The following ACSL5 variants were observed in gnomAD, a reference collection of about 807,000 sequenced individuals.
ACSL5 encodes long-chain-fatty-acid--CoA ligase 5.
Under a neutral mutation model 84.9 loss-of-function variants are expected in ACSL5, and 50 were observed. The ratio of observed to expected loss-of-function variants is 0.59; its 90% confidence interval spans 0.47 to 0.75. The LOEUF is 0.75. Ranked by LOEUF, ACSL5 falls within the 30% of genes least tolerant of loss-of-function variation. The pLI is 0.00. For missense variants in ACSL5, 775 were observed against 830.4 expected (o/e 0.93, Z 0.82); for synonymous variants, 280 against 300.7 (o/e 0.93, Z 0.71).
chr10:112,427,262 TG>T lies in ACSL5; in HGVS notation c.1959del (p.Leu654SerfsTer2). ...ATCCAGAGCCATTTTCCATTGAAAA[TG>T]GGCTCTTGACACCAACATTGAAAGC... is the stretch of plus-strand genomic sequence containing the variant. ...LHPEPFSIEN[G>X]LLTPTLKAKR... On this transcript the variant is annotated frameshift_variant, in exon 21 of 21. Transcript: ENST00000354655. LOFTEE classifies it high-confidence loss of function. 1 of 1,613,610 alleles carries T rather than the reference TG, an allele frequency of 6.2e-7. No homozygotes were observed.
In ACSL5 at chr10:112,408,456, C is replaced by G. The variant is rs1462435146; in HGVS notation, c.467C>G (p.Ser156Cys). The change falls in exon 6 of 21, where the codon TCT becomes TGT. Residue 156 changes from serine (S) to cysteine (C), a missense_variant. Physicochemically the swap from Ser to Cys is moderately radical, Grantham distance 112 (BLOSUM62 -1). Coordinates refer to ENST00000354655, the MANE Select transcript of ACSL5 (RefSeq NM_203379.2). Reference protein sequence around the residue: ...IISELACYTYSMVAVPLYDTL... With the variant: ...IISELACYTYCMVAVPLYDTL... ...TCCGAATTGGCTTGTTACACGTACTCTATGGTAGCTGTACCTCTGTATGAC... is the reference window on the plus strand; with the variant it reads ...TCCGAATTGGCTTGTTACACGTACTGTATGGTAGCTGTACCTCTGTATGAC... 3 of 1,613,760 alleles carry G rather than the reference C, an allele frequency of 1.9e-6. No individual in the cohort carries two copies. Among genetic ancestry groups the G allele is most frequent in the Admixed American group, 1.7e-5 (1 of 60,018 alleles).
Position 112,421,973 on chromosome 10 carries a change from A to G in ACSL5, c.1414A>G (p.Asn472Asp). Residue 472 changes from asparagine to aspartate, a missense_variant, in exon 16 of 21, where the codon AAT becomes GAT. Coordinates refer to ENST00000354655, the MANE Select transcript of ACSL5 (RefSeq NM_203379.2). ...SGHVGVPLAC[N>D]YVKLEDVADM... ...TCACGTTGGGGTGCCCCTGGCTTGC[A>G]ATTACGTGAAGCTGGAAGATGTGGC... The G allele has an allele frequency of 6.2e-7, 1 of 1,614,200 alleles. No individual in the cohort carries two copies.
intron 3 of ACSL5, among the ~76,000 whole-genome samples, chr10:112,401,784 T>TTCTC (rs552983651): frequency 0.016 from 1,995 of 127,464 alleles, 38 homozygotes; most frequent in African/African-American, 0.031. Context: ...TTTTCTTTCT[T>TTCTC]TCTCTTTCTT....
intron 1 of ACSL5, among the ~76,000 whole-genome samples, chr10:112,384,196 A>C (rs186730813): frequency 2.6e-5 from 4 of 151,834 alleles, no homozygotes; most frequent in East Asian, 3.9e-4. Flanking sequence ...AGAAAAAAAA[A>C]CAAAAAACAA....
At position 112,404,752 on chromosome 10, in the gene ACSL5, T is replaced by G. The variant is rs748923088; in HGVS notation, c.378T>G (p.Gly126=). 1 of 1,614,010 alleles carries G rather than the reference T, an allele frequency of 6.2e-7. No individual in the cohort carries two copies. The highest frequency in any genetic ancestry group is 8.5e-7 in the Non-Finnish European group (1 of 1,179,966). Residue 126 remains glycine (G), a synonymous_variant, in exon 5 of 21, where the codon GGT becomes GGG. Transcript: ENST00000354655. The stretch of plus-strand genomic sequence containing the variant: ...TGGGTTCCTGTCTCTTGCATAAAGG[T>G]TATAAATCATCACCAGACCAGTTTG... ...EYLGSCLLHK[G]YKSSPDQFVG... is the part of the protein sequence containing the mutation.
intron 1 of ACSL5, 116 bp from the exon 2 acceptor site, chr10:112,394,802 G>T: frequency 6.6e-7 from 1 of 1,508,778 alleles, no homozygotes; most frequent in African/African-American, 1.4e-5. Flanking sequence ...GTTTGAAGGC[G>T]TGCGCGCGTG....
At position 112,409,572 on chromosome 10, in the gene ACSL5, A is replaced by G; in HGVS notation, c.598A>G (p.Lys200Glu). 1 of 1,614,112 alleles carries G rather than the reference A, an allele frequency of 6.2e-7. No homozygotes were observed. The highest frequency in any genetic ancestry group is 1.3e-5 in the African/African-American group (1 of 75,054). The part of the protein sequence containing the change: ...KALVLIGNVE[K>E]GFTPSLKVII... ...ATTGGTGCTGATAGGGAATGTAGAG[A>G]AAGGCTTCACCCCGAGCCTGAAGGT... Residue 200 changes from lysine (K) to glutamate (E), a missense_variant, in exon 7 of 21, where the codon AAA (lysine) becomes GAA (glutamate). Coordinates refer to ENST00000354655, the MANE Select transcript of ACSL5 (RefSeq NM_203379.2).
intron 12 of ACSL5, among the ~76,000 whole-genome samples, chr10:112,414,754 C>G (rs1365858913): frequency 6.6e-6 from 1 of 152,150 alleles, no homozygotes. Context: ...CACAAGATGT[C>G]TCAACCTCAT....
At chr10:112,394,866 C>A in intron 1 of ACSL5, 52 bp from the exon 2 acceptor site, 2 of 1,596,300 alleles carry the variant, frequency 1.3e-6, no homozygotes, top group African/African-American at 2.7e-5. Context: ...CTATTGAGTA[C>A]AAAAATATGG....
At chr10:112,413,452 G>T in intron 12 of ACSL5, 145 bp downstream of exon 12, 1 of 1,102,364 alleles carries the variant, frequency 9.1e-7, no homozygotes. Context: ...CCCGCCAGGT[G>T]TGGTGGCTCA....
chr10:112,392,870 G>T (rs1843673665), intron 1 of ACSL5, among the ~76,000 whole-genome samples: 1 of 152,022 alleles, frequency 6.6e-6, no homozygotes, highest in South Asian at 2.1e-4. Context: ...AGCCAGAGTT[G>T]TGCCACTGCA....
intron 12 of ACSL5, among the ~76,000 whole-genome samples, chr10:112,416,582 G>A (rs966299092): frequency 6.6e-6 from 1 of 150,606 alleles, no homozygotes; most frequent in East Asian, 1.9e-4. Context: ...TTGTTTGTTT[G>A]TTTTAAATCT....
chr10:112,391,542 A>G (rs1843639892), intron 1 of ACSL5, among the ~76,000 whole-genome samples: 1 of 152,084 alleles, frequency 6.6e-6, no homozygotes, highest in Non-Finnish European at 1.5e-5. Flanking sequence ...TAGGCAAGGT[A>G]TTTTCATTCT....
At position 112,426,286 on chromosome 10, in the gene ACSL5, A is replaced by T; in HGVS notation, c.1766A>T (p.Asp589Val). Residue 589 changes from aspartate to valine, a missense_variant, in exon 19 of 21, where the codon GAC (aspartate) becomes GTC (valine). Coordinates refer to ENST00000354655, the MANE Select transcript of ACSL5 (RefSeq NM_203379.2). Reference sequence around the variant, plus strand: ...TCCTTAGTAGGAGTGGTGGTTCCTGACACAGATGTACTTCCCTCATTTGCA... The same window carrying T: ...TCCTTAGTAGGAGTGGTGGTTCCTGTCACAGATGTACTTCCCTCATTTGCA... ...RSSLVGVVVP[D>V]TDVLPSFAAK... 6.2e-7 allele frequency: 1 copy of T among 1,614,088 alleles called. No individual in the cohort carries two copies. The highest frequency in any genetic ancestry group is 8.5e-7 in the Non-Finnish European group (1 of 1,179,984).
At position 112,381,870 on chromosome 10, in the gene ACSL5, G is replaced by A. The variant is rs147522493; in HGVS notation, c.-30+7601G>A. 2.7e-3 allele frequency among the ~76,000 whole-genome samples: 411 copies of A among 152,204 alleles called. 1 individual carries two copies. The highest frequency in any genetic ancestry group is 9.6e-3 in the African/African-American group (399 of 41,564). On this transcript the variant is annotated intron_variant, in intron 1 of 20. Transcript: ENST00000354655. ...TAGTCCCAGCTACTCAGGAGGCTGA[G>A]ACAAAAGAATCGCTTGACTCCGTCT...
intron 1 of ACSL5, among the ~76,000 whole-genome samples, chr10:112,392,304 T>C (rs904160332): frequency 6.8e-6 from 1 of 146,794 alleles, no homozygotes; most frequent in Non-Finnish European, 1.5e-5. Context: ...AGGCTGTGTC[T>C]TTACAAAAAA....
intron 1 of ACSL5, chr10:112,376,234 AGCCTGACATG>A: frequency 6.4e-7 from 1 of 1,564,234 alleles, no homozygotes; most frequent in Non-Finnish European, 8.7e-7. Context: ...CACGTTAGAA[AGCCTGACATG>A]GCCTGACTCG....
intron 9 of ACSL5, 137 bp from the exon 10 acceptor site, chr10:112,411,319 A>T (rs1400492320): frequency 2.9e-6 from 2 of 697,614 alleles, no homozygotes; most frequent in Non-Finnish European, 4.9e-6. Context: ...GGCATATACC[A>T]TCCACAAAAA....
At chr10:112,389,966 C>T (rs145821394) in intron 1 of ACSL5, among the ~76,000 whole-genome samples, 37 of 152,238 alleles carry the variant, frequency 2.4e-4, no homozygotes, top group Non-Finnish European at 3.4e-4. Context: ...CAGTGGCTCA[C>T]GCCTGTAATC....
Sources: allele counts gnomAD v4.1 joint callset (sites outside exome capture counted in the v4.1 genomes callset), GRCh38; gene constraint gnomAD v4.1.1; transcripts MANE v1.5; gene names NCBI Gene and HGNC (gene_info 2026-07-23, HGNC 2026-07-21).